The following NEGR1 variants were observed in gnomAD, a reference collection of about 807,000 sequenced individuals.
NEGR1 encodes neuronal growth regulator 1, also known as IgLON family member 4.
Under a neutral mutation model 40.9 loss-of-function variants are expected in NEGR1, and 10 were observed. The ratio of observed to expected loss-of-function variants is 0.24; its 90% CI spans 0.15 to 0.42. The LOEUF is 0.42. Among genes scored for constraint, NEGR1 ranks in the 10% least tolerant of loss-of-function variants. NEGR1 has a pLI of 1.00. For synonymous variants in NEGR1, 185 were observed against 166.8 expected, an observed-to-expected ratio of 1.11 and a Z score of -0.84; for missense variants, 352 against 438.9, an observed-to-expected ratio of 0.80 and a Z score of 1.77.
chr1:72,241,634 C>T (rs993371394), intron 1 of NEGR1, among the ~76,000 whole-genome samples: 3 of 151,584 alleles, frequency 2.0e-5, no homozygotes, highest in African/African-American at 7.3e-5. Flanking sequence ...ACCCTGAAAC[C>T]ATCCTTTGGT....
intron 1 of NEGR1, among the ~76,000 whole-genome samples, chr1:72,046,022 A>C (rs925498294): frequency 6.6e-6 from 1 of 151,798 alleles, no homozygotes; most frequent in African/African-American, 2.4e-5. Flanking sequence ...TAATTAATGG[A>C]AAATATAATC....
intron 1 of NEGR1, among the ~76,000 whole-genome samples, chr1:72,135,404 C>CAAAAAAAAAAAAAAAACAAAAAAA (rs562148946): frequency 3.0e-5 from 2 of 65,784 alleles, no homozygotes; most frequent in African/African-American, 7.9e-5. Flanking sequence ...AAACAAAAAA[C>CAAAAAAAAAAAAAAAACAAAAAAA]AAAAAAAAAA....
chr1:71,543,097 G>T (rs1458768751), intron 6 of NEGR1, among the ~76,000 whole-genome samples: 2 of 151,698 alleles, frequency 1.3e-5, no homozygotes, highest in African/African-American at 4.8e-5. Context: ...GCCAGGAACT[G>T]TTTTACTATT....
chr1:71,978,942 A>G (rs1488499710), intron 1 of NEGR1, among the ~76,000 whole-genome samples: 2 of 152,234 alleles, frequency 1.3e-5, no homozygotes, highest in Non-Finnish European at 2.9e-5. Flanking sequence ...TAGCAAAGAC[A>G]TGGAATCTAC....
chr1:72,154,931 A>G (rs1393259001), intron 1 of NEGR1, among the ~76,000 whole-genome samples: 1 of 152,064 alleles, frequency 6.6e-6, no homozygotes, highest in African/African-American at 2.4e-5. Context: ...TGAATACAAT[A>G]GTAAATATAA....
At chr1:72,010,398 A>G (rs942971135) in intron 1 of NEGR1, among the ~76,000 whole-genome samples, 6 of 152,114 alleles carry the variant, frequency 3.9e-5, no homozygotes, top group Admixed American at 3.3e-4. Context: ...AAAATGTCCA[A>G]TTTCAAAATG....
At chr1:71,719,921 T>C (rs1654445416) in intron 3 of NEGR1, among the ~76,000 whole-genome samples, 1 of 152,158 alleles carries the variant, frequency 6.6e-6, no homozygotes, top group African/African-American at 2.4e-5. Flanking sequence ...CAAAATATTA[T>C]GTCCTGACCC....
intron 1 of NEGR1, among the ~76,000 whole-genome samples, chr1:72,215,533 G>T (rs186982165): frequency 2.0e-5 from 3 of 151,550 alleles, no homozygotes; most frequent in African/African-American, 7.3e-5. Context: ...CAAACAACCC[G>T]ATCAAAAAGT....
chr1:71,421,854 GATT>G (rs1646396953), intron 6 of NEGR1, among the ~76,000 whole-genome samples: 2 of 150,922 alleles, frequency 1.3e-5, no homozygotes, highest in African/African-American at 4.9e-5. Context: ...AAAGACAGAT[GATT>G]ATTTTCTGCC....
At chr1:71,708,038 A>C (rs1407199125) in intron 3 of NEGR1, among the ~76,000 whole-genome samples, 1 of 152,140 alleles carries the variant, frequency 6.6e-6, no homozygotes, top group African/African-American at 2.4e-5. Context: ...GATTGCTACA[A>C]ATAAGCCCAG....
intron 1 of NEGR1, chr1:72,275,300 T>C: frequency 2.3e-6 from 1 of 439,374 alleles, no homozygotes. Context: ...TAATTAAAAC[T>C]CAATTTGATA....
intron 5 of NEGR1, among the ~76,000 whole-genome samples, chr1:71,594,230 A>G (rs1318625151): frequency 6.6e-6 from 1 of 152,184 alleles, no homozygotes; most frequent in African/African-American, 2.4e-5. Context: ...GTTTATTGCA[A>G]AGGAGATGCA....
chr1:72,053,097 T>C (rs772020530), intron 1 of NEGR1, among the ~76,000 whole-genome samples: 2 of 151,442 alleles, frequency 1.3e-5, no homozygotes, highest in Non-Finnish European at 3.0e-5. Flanking sequence ...ACAGGAATCA[T>C]ATATTCAAAT....
intron 1 of NEGR1, among the ~76,000 whole-genome samples, chr1:72,171,871 A>G (rs1651976476): frequency 6.6e-6 from 1 of 152,186 alleles, no homozygotes; most frequent in South Asian, 2.1e-4. Context: ...TATTCCTTCA[A>G]CAACTAAACA....
chr1:71,680,248 A>G (rs901077149), intron 4 of NEGR1, among the ~76,000 whole-genome samples: 3 of 152,092 alleles, frequency 2.0e-5, no homozygotes, highest in African/African-American at 7.2e-5. Flanking sequence ...TCTGAGCTTT[A>G]AATCATATTT....
intron 3 of NEGR1, among the ~76,000 whole-genome samples, chr1:71,718,364 T>TC (rs1654345508): frequency 6.6e-6 from 1 of 152,178 alleles, no homozygotes; most frequent in Non-Finnish European, 1.5e-5. Context: ...ATGTGCCTGT[T>TC]CCCCCTTTGC....
At chr1:71,872,341 C>G (rs1207980434) in intron 2 of NEGR1, among the ~76,000 whole-genome samples, 2 of 152,108 alleles carry the variant, frequency 1.3e-5, no homozygotes, top group Non-Finnish European at 2.9e-5. Flanking sequence ...GTTCTATAGA[C>G]TATTCTAGGA....
chr1:72,150,176 C>A (rs1017861998), intron 1 of NEGR1, among the ~76,000 whole-genome samples: 1 of 152,046 alleles, frequency 6.6e-6, no homozygotes, highest in Non-Finnish European at 1.5e-5. Context: ...ATTTATTATT[C>A]TTTAGTATTA....
intron 6 of NEGR1, among the ~76,000 whole-genome samples, chr1:71,537,921 G>T (rs946207273): frequency 6.6e-6 from 1 of 151,542 alleles, no homozygotes; most frequent in African/African-American, 2.4e-5. Context: ...TTTTCTTATG[G>T]GTCTTATTAT....
Sources: allele counts gnomAD v4.1 joint callset (sites outside exome capture counted in the v4.1 genomes callset), GRCh38; gene constraint gnomAD v4.1.1; transcripts MANE v1.5; gene names NCBI Gene and HGNC (gene_info 2026-07-23, HGNC 2026-07-21).